The following POLRMT variants were observed in gnomAD, a reference collection of about 807,000 sequenced individuals.
POLRMT encodes RNA polymerase mitochondrial.
POLRMT carries 114 observed loss-of-function variants against 132.2 expected under a neutral mutation model. That is an observed-to-expected ratio of 0.86 (90% CI 0.74 to 1.01). The LOEUF is 1.01. Ranked by LOEUF, POLRMT falls within the 50% of genes least tolerant of loss-of-function variation. The probability of loss-of-function intolerance (pLI) is 0.00; values close to 1 mark genes in which losing one functional copy is unlikely to be tolerated. For missense variants in POLRMT, 2,003 were observed against 1,729.1 expected (o/e 1.16, Z -2.81); for synonymous variants, 1,020 against 773.4 (o/e 1.32, Z -5.29).
At chr19:621,961 C>T in intron 9 of POLRMT, 115 bp from the exon 10 acceptor site, 1 of 1,319,748 alleles carries the variant, frequency 7.6e-7, no homozygotes, top group Non-Finnish European at 1.0e-6. Context: ...CCAGTGTGGC[C>T]TCCCACGAAC....
chr19:633,163 G>A (rs1201098518), intron 1 of POLRMT: 1 of 593,898 alleles, frequency 1.7e-6, no homozygotes, highest in Non-Finnish European at 2.8e-6. Context: ...CACTCGAGGT[G>A]CAGCAGGTCA....
Position 632,861 on chromosome 19 carries a change from C to T in POLRMT, c.166G>A (p.Asp56Asn). The T allele has an allele frequency of 1.3e-6, 2 of 1,551,236 alleles. No homozygotes were observed. Among genetic ancestry groups the T allele is most frequent in the Non-Finnish European group, 8.7e-7 (1 of 1,151,470 alleles). Residue 56 changes from aspartate to asparagine, a missense_variant, in exon 2 of 21, where the codon GAC becomes AAC. Transcript: ENST00000588649. ...PQEQDQDRRK[D>N]WGHVELLEVL... ...TCCAGCAGCTCCACGTGGCCCCAGTCCTTCCTGCGGTCTTGGTCTTGCTCC... is the reference window on the plus strand; with the variant it reads ...TCCAGCAGCTCCACGTGGCCCCAGTTCTTCCTGCGGTCTTGGTCTTGCTCC...
chr19:617,420 T>G lies in POLRMT; in HGVS notation c.3642A>C (p.Pro1214=), dbSNP rs373676953. The change falls in exon 20 of 21, where the codon CCA becomes CCC. Residue 1214 remains proline, a splice_region_variant and synonymous_variant. Coordinates refer to ENST00000588649, the MANE Select transcript of POLRMT (RefSeq NM_005035.4). ...TTGCGAGGCTGCCCACCCGCCTACC[T>G]GGCTTGGGCACCGCCTGCAGTGTCT... ...LKETLQAVPK[P]GAFDLEQVKR... 34 of 1,611,186 alleles carry G rather than the reference T, an allele frequency of 2.1e-5. 1 individual carries two copies. In the African/African-American group the frequency reaches 4.0e-4, roughly 19 times the overall value.
At chr19:621,021 G>A (rs546692481) in intron 10 of POLRMT, 37 bp downstream of exon 10, 1 of 1,448,472 alleles carries the variant, frequency 6.9e-7, no homozygotes, top group Non-Finnish European at 9.0e-7. Context: ...GCGCGGGGGT[G>A]CCGGGAGGGC....
intron 15 of POLRMT, 52 bp from the exon 16 acceptor site, chr19:618,812 G>A (rs1312749939): frequency 6.5e-7 from 1 of 1,531,024 alleles, no homozygotes; most frequent in Non-Finnish European, 8.9e-7. Context: ...GCACGGTGGT[G>A]GTACATTGAG....
At position 625,343 on chromosome 19, in the gene POLRMT, C is replaced by G. The variant is rs562166190; in HGVS notation, c.823-89G>C. On this transcript the variant is annotated intron_variant, in intron 3 of 20. Transcript: ENST00000588649. ...CCTGGAGACCCCTTCTCTGTAGCCA[C>G]CAGCTCAGCAGGGGACAGGGTCACC... is the stretch of plus-strand genomic sequence containing the variant. 3.2e-6 allele frequency: 5 copies of G among 1,553,504 alleles called. No individual in the cohort carries two copies. The Admixed American group carries it at 8.7e-5, about 27-fold the overall frequency.
In POLRMT at chr19:617,862, G is replaced by T; in HGVS notation, c.3423-13C>A. 6.2e-7 allele frequency: 1 copy of T among 1,612,540 alleles called. No homozygotes were observed. The highest frequency in any genetic ancestry group is 8.5e-7 in the Non-Finnish European group (1 of 1,179,510). On this transcript the variant is annotated splice_polypyrimidine_tract_variant and intron_variant, in intron 17 of 20. Coordinates refer to ENST00000588649, the MANE Select transcript of POLRMT (RefSeq NM_005035.4). Reference sequence around the variant, plus strand: ...GGTCAGGCCCTTCCTGTGGCAGAGCGGAGGACTCCTGAAGGGAGGGGAGCT... The same window carrying T: ...GGTCAGGCCCTTCCTGTGGCAGAGCTGAGGACTCCTGAAGGGAGGGGAGCT...
chr19:625,847 C>T (rs758413917), intron 3 of POLRMT, among the ~76,000 whole-genome samples: 1 of 151,950 alleles, frequency 6.6e-6, no homozygotes, highest in South Asian at 2.1e-4. Context: ...GGATTACAGG[C>T]ACACGCCACC....
intron 10 of POLRMT, 95 bp from the exon 11 acceptor site, chr19:620,582 G>C (rs1384157722): frequency 1.4e-6 from 2 of 1,394,524 alleles, no homozygotes; most frequent in African/African-American, 1.4e-5. Flanking sequence ...ATGGGGAGGA[G>C]ACGCACACCC....
In POLRMT at chr19:632,689, T is replaced by C; in HGVS notation, c.193+145A>G. 4.7e-6 allele frequency: 3 copies of C among 639,386 alleles called. 1 individual carries two copies. In the South Asian group the frequency reaches 6.1e-5, roughly 13 times the overall value. 39.6% of individuals were successfully genotyped at this position (639,386 alleles called of 1,614,324 possible). On this transcript the variant is annotated intron_variant, in intron 2 of 20. Transcript: ENST00000588649. ...GGGCCCATGAGCGGTGCAAGAGATG[T>C]TTCAGCAACGCCGTCTGGGCGTGTC... is the stretch of plus-strand genomic sequence containing the variant.
rs770459619 is a variant in POLRMT, at chr19:622,689, G to A, written c.1519C>T (p.Arg507Cys). 4 of 1,604,668 alleles carry A rather than the reference G, an allele frequency of 2.5e-6. No individual in the cohort carries two copies. Among genetic ancestry groups the A allele is most frequent in the South Asian group, 1.1e-5 (1 of 89,720 alleles). Residue 507 changes from arginine to cysteine, a missense_variant, in exon 8 of 21, where the codon CGC (arginine) becomes TGC (cysteine). Physicochemically the swap from Arg to Cys is radical, Grantham distance 180. Coordinates refer to ENST00000588649, the MANE Select transcript of POLRMT (RefSeq NM_005035.4). ...FTTLARELSARTFSRHVVQRQ... is the reference protein window; with the variant it reads ...FTTLARELSACTFSRHVVQRQ... ...TGCACCACGTGCCGGCTGAAAGTGC[G>A]CGCACTCAGCTCCCGGGCCAGGGTG...
intron 3 of POLRMT, among the ~76,000 whole-genome samples, chr19:626,824 C>T (rs768132121): frequency 1.3e-5 from 2 of 151,190 alleles, no homozygotes; most frequent in Non-Finnish European, 2.9e-5. Flanking sequence ...CTCACCACTG[C>T]ACTCCAGCCT....
rs183251302 is a variant in POLRMT at position 633,103 on chromosome 19, G to A, written c.89-165C>T. The A allele has an allele frequency of 6.2e-5, 39 of 631,664 alleles. 1 individual carries two copies. In the Admixed American group the frequency reaches 8.9e-4, roughly 14 times the overall value. The allele number at this position is 631,664 out of a possible 1,614,324, so 39.1% of individuals were successfully genotyped here. ...AAACTAAGACAGCGAAGGTGGAAGG[G>A]CCCCGCCGCGGCGAACACGGGCGCG... On this transcript the variant is annotated intron_variant, in intron 1 of 20. Coordinates refer to ENST00000588649, the MANE Select transcript of POLRMT (RefSeq NM_005035.4).
chr19:630,224 C>T lies in POLRMT; in HGVS notation c.194-56G>A, dbSNP rs149117391. 3.7e-4 allele frequency: 563 copies of T among 1,522,406 alleles called. 4 individuals are homozygous for T. In the African/African-American group the frequency reaches 6.5e-3, roughly 18 times the overall value. 94.3% of individuals were successfully genotyped at this position (1,522,406 alleles called of 1,614,324 possible). ...GGGACCCCCTCCCCATTCGAGCACCCGTCTCTCTGGACCCTGAGCCAGGCC... is the reference window on the plus strand; with the variant it reads ...GGGACCCCCTCCCCATTCGAGCACCTGTCTCTCTGGACCCTGAGCCAGGCC... On this transcript the variant is annotated intron_variant, in intron 2 of 20. Transcript: ENST00000588649.
rs1238135369 is a variant in POLRMT at position 617,922 on chromosome 19, G to A, written c.3423-73C>T. 7 of 1,420,516 alleles carry A rather than the reference G, an allele frequency of 4.9e-6. No homozygotes were observed. In the African/African-American group the frequency reaches 8.5e-5, roughly 17 times the overall value. The allele number at this position is 1,420,516 out of a possible 1,614,324, so 88.0% of individuals were successfully genotyped here. A position where few individuals can be genotyped will look rare whatever the true frequency, so the allele number is the denominator to read the frequency against. On this transcript the variant is annotated intron_variant, in intron 17 of 20. Coordinates refer to ENST00000588649, the MANE Select transcript of POLRMT (RefSeq NM_005035.4). The stretch of plus-strand genomic sequence containing the variant: ...ACCCAGTGACCAGCATCCTGGCCCT[G>A]CGCTCAGCCCCCTCCACTTGAGGTC...
chr19:618,412 C>A (rs2144569769), intron 17 of POLRMT, 76 bp downstream of exon 17: 2 of 1,203,070 alleles, frequency 1.7e-6, no homozygotes, highest in Non-Finnish European at 2.4e-6. Flanking sequence ...TAGACCCAGC[C>A]TTGCCAGCTG....
chr19:633,469 C>T lies in POLRMT; in HGVS notation c.44G>A (p.Arg15Gln). The change falls in exon 1 of 21, where the codon CGA becomes CAA. Residue 15 changes from arginine (R) to glutamine (Q), a missense_variant. By Grantham distance (43) the Arg-to-Gln change is conservative. Transcript: ENST00000588649. ...CGGGCGGCCGCAAGGCCGTAGGGCT[C>T]GTTTGAGCCCCGCCGCTCCGCGGCC... ...CWGRGAAGLK[R>Q]ALRPCGRPGL... The T allele has an allele frequency of 6.4e-7, 1 of 1,560,896 alleles. No individual in the cohort carries two copies. The highest frequency in any genetic ancestry group is 1.4e-5 in the African/African-American group (1 of 70,754).
chr19:629,923 G>C lies in POLRMT; in HGVS notation c.439C>G (p.Pro147Ala), dbSNP rs1464082531. ...MQRLKAKLQM[P>A]FQSGEFKALT... ...GCCTTGAACTCCCCGCTCTGGAATG[G>C]CATCTGCAGCTTCGCCTTCAACCGC... is the stretch of plus-strand genomic sequence containing the variant. The change falls in exon 3 of 21, where the codon CCA becomes GCA. Residue 147 changes from proline to alanine, a missense_variant. By Grantham distance (27) the Pro-to-Ala change is conservative. Transcript: ENST00000588649. The C allele has an allele frequency of 1.9e-6, 3 of 1,613,664 alleles. No individual in the cohort carries two copies. Among genetic ancestry groups the C allele is most frequent in the Middle Eastern group, 1.7e-4 (1 of 5,892 alleles).
intron 10 of POLRMT, 137 bp downstream of exon 10, chr19:620,921 G>A: frequency 7.2e-6 from 1 of 139,800 alleles, no homozygotes; most frequent in Non-Finnish European, 1.1e-5. Context: ...AGGAAGACGG[G>A]CAGGGGGCGC....
Sources: allele counts gnomAD v4.1 joint callset (sites outside exome capture counted in the v4.1 genomes callset), GRCh38; gene constraint gnomAD v4.1.1; transcripts MANE v1.5; gene names NCBI Gene and HGNC (gene_info 2026-07-23, HGNC 2026-07-21).